Variants in PRR19 observed in about 807,000 individuals in gnomAD.
PRR19 encodes proline rich 19, also known as proline-rich protein 19.
A neutral mutation model predicts 19.2 loss-of-function variants in PRR19; 9 were observed. The observed-to-expected ratio is 0.47, with a 90% CI of 0.28 to 0.82. PRR19 has a LOEUF of 0.82. Ranked by LOEUF, PRR19 falls within the 40% of genes least tolerant of loss-of-function variation. The pLI is 0.11. For missense variants in PRR19, 457 were observed against 466.0 expected (o/e 0.98, Z 0.18); for synonymous variants, 190 against 191.0 (o/e 0.99, Z 0.04).
chr19:42,307,299 C>G (rs1299459368), intron 1 of PRR19, among the ~76,000 whole-genome samples: 3 of 152,134 alleles, frequency 2.0e-5, no homozygotes, highest in African/African-American at 4.8e-5. Context: ...TTCTCTTTCT[C>G]TACTATCTCT....
At chr19:42,306,425 G>A (rs374128289) in intron 1 of PRR19, among the ~76,000 whole-genome samples, 21 of 151,986 alleles carry the variant, frequency 1.4e-4, no homozygotes, top group East Asian at 9.7e-4. Flanking sequence ...CGCCCACCTC[G>A]GCCTCCCAAA....
chr19:42,305,141 G>A (rs949017691), intron 1 of PRR19, among the ~76,000 whole-genome samples: 10 of 151,560 alleles, frequency 6.6e-5, no homozygotes, highest in African/African-American at 2.4e-4. Flanking sequence ...CCCGGGAGGT[G>A]GAGGTTGCAG....
In PRR19 at chr19:42,310,575, G is replaced by T; in HGVS notation, c.906G>T (p.Gly302=). 6.2e-7 allele frequency: 1 copy of T among 1,613,942 alleles called. No homozygotes were observed. Among genetic ancestry groups the T allele is most frequent in the African/African-American group, 1.3e-5 (1 of 75,046 alleles). ...VATPPPPRPW[G]VGLPQPLPQP... Reference sequence around the variant, plus strand: ...CGCCACCCCCTCCTCGGCCCTGGGGGGTTGGCCTCCCTCAGCCCCTGCCTC... The same window carrying T: ...CGCCACCCCCTCCTCGGCCCTGGGGTGTTGGCCTCCCTCAGCCCCTGCCTC... Residue 302 remains glycine, a synonymous_variant, in exon 3 of 3, where the codon GGG becomes GGT. Coordinates refer to ENST00000341747, the MANE Select transcript of PRR19 (RefSeq NM_199285.3).
chr19:42,309,725 G>T lies in PRR19; in HGVS notation c.141G>T (p.Val47=), dbSNP rs759360536. 8 of 1,607,668 alleles carry T rather than the reference G, an allele frequency of 5.0e-6. No homozygotes were observed. In the Admixed American group the frequency reaches 1.3e-4, roughly 27 times the overall value. ...RRPLAHHDPP[V]AIRDPPVVPT... ...CATTAGCCCACCACGATCCTCCTGT[G>T]GCCATTCGGGATCCACCTGTGGTCC... Residue 47 remains valine (V), a synonymous_variant, in exon 2 of 3, where the codon GTG becomes GTT. Coordinates refer to ENST00000341747, the MANE Select transcript of PRR19 (RefSeq NM_199285.3).
At chr19:42,303,509 G>T (rs756030200) in intron 1 of PRR19, 7 of 152,166 alleles carry the variant, frequency 4.6e-5, no homozygotes, top group South Asian at 2.1e-4. Flanking sequence ...GGGACCAGGT[G>T]GGGGGCTCAC....
chr19:42,302,586 T>G, intron 1 of PRR19, 83 bp downstream of exon 1: 2 of 400,632 alleles, frequency 5.0e-6, no homozygotes, highest in Non-Finnish European at 9.1e-6. Flanking sequence ...GGCCGCTGAC[T>G]CCCAGGCCGC....
In PRR19 at chr19:42,310,344, G is replaced by A. The variant is rs2038776909; in HGVS notation, c.675G>A (p.Gln225=). The change falls in exon 3 of 3, where the codon CAG becomes CAA. Residue 225 remains glutamine, a synonymous_variant. Coordinates refer to ENST00000341747, the MANE Select transcript of PRR19 (RefSeq NM_199285.3). Reference sequence around the variant, plus strand: ...ATAGCCCTGATCAAGTCCCAGAGCAGGAGAGGCAAAGGAAGCAACAAGGGA... The same window carrying A: ...ATAGCCCTGATCAAGTCCCAGAGCAAGAGAGGCAAAGGAAGCAACAAGGGA... ...WINSPDQVPE[Q]ERQRKQQGTK... The A allele has an allele frequency of 6.2e-7, 1 of 1,614,132 alleles. No individual in the cohort carries two copies. Among genetic ancestry groups the A allele is most frequent in the Non-Finnish European group, 8.5e-7 (1 of 1,179,998 alleles).
chr19:42,310,277 A>G lies in PRR19; in HGVS notation c.608A>G (p.Lys203Arg). ...RGCQPPLPGA[K>R]PGVSERKMTP... The stretch of plus-strand genomic sequence containing the variant: ...CTTCTTTCCTCTGTGCCAGGGGCCA[A>G]GCCTGGGGTCTCTGAGAGAAAGATG... Residue 203 changes from lysine to arginine, a missense_variant, in exon 3 of 3, where the codon AAG (lysine) becomes AGG (arginine). Coordinates refer to ENST00000341747, the MANE Select transcript of PRR19 (RefSeq NM_199285.3). 1 of 1,614,124 alleles carries G rather than the reference A, an allele frequency of 6.2e-7. No homozygotes were observed. The highest frequency in any genetic ancestry group is 1.3e-5 in the African/African-American group (1 of 75,036).
chr19:42,306,049 T>C (rs2038703297), intron 1 of PRR19, among the ~76,000 whole-genome samples: 1 of 152,140 alleles, frequency 6.6e-6, no homozygotes, highest in African/African-American at 2.4e-5. Context: ...ATTTTTGTTC[T>C]TTTACAGGGT....
chr19:42,310,240 C>A lies in PRR19; in HGVS notation c.602-31C>A, dbSNP rs1476513158. 11 of 1,613,704 alleles carry A rather than the reference C, an allele frequency of 6.8e-6. No individual in the cohort carries two copies. In the Admixed American group the frequency reaches 1.8e-4, roughly 27 times the overall value. ...CTTTCCTTTGTCGGCTCTAGCTCAG[C>A]TAGCCTCTATGCTTCTTTCCTCTGT... On this transcript the variant is annotated intron_variant, in intron 2 of 2. Transcript: ENST00000341747.
In PRR19 at chr19:42,302,291, G is replaced by T; in HGVS notation, c.-219G>T. On this transcript the variant is annotated 5_prime_UTR_variant, in exon 1 of 3. Transcript: ENST00000341747. ...TGCACCGGCGTGGGCTTGCTGGCTG[G>T]GTTCTCCTCTCCACTCATCTTGGCG... 6.2e-7 allele frequency: 1 copy of T among 1,606,124 alleles called. No individual in the cohort carries two copies.
rs916776081 is a variant in PRR19, at chr19:42,302,373, C to G, written c.-137C>G. 27 of 1,440,090 alleles carry G rather than the reference C, an allele frequency of 1.9e-5. No homozygotes were observed. Among genetic ancestry groups the G allele is most frequent in the Middle Eastern group, 1.9e-4 (1 of 5,364 alleles). 89.2% of individuals were successfully genotyped at this position (1,440,090 alleles called of 1,614,324 possible). A position where few individuals can be genotyped will look rare whatever the true frequency, so the allele number is the denominator to read the frequency against. Reference sequence around the variant, plus strand: ...CGGCCCGGGAGTGTTCCGAACGGAGCTGGCTCCGCCACGCCCACTCCTACC... The same window carrying G: ...CGGCCCGGGAGTGTTCCGAACGGAGGTGGCTCCGCCACGCCCACTCCTACC... On this transcript the variant is annotated 5_prime_UTR_variant, in exon 1 of 3. Coordinates refer to ENST00000341747, the MANE Select transcript of PRR19 (RefSeq NM_199285.3).
chr19:42,310,656 C>T lies in PRR19; in HGVS notation c.987C>T (p.Pro329=), dbSNP rs182146218. The change falls in exon 3 of 3, where the codon CCC becomes CCT. Residue 329 remains proline (P), a synonymous_variant. Coordinates refer to ENST00000341747, the MANE Select transcript of PRR19 (RefSeq NM_199285.3). ...RTSVLDWSPS[P]PSPLPSLSWV... ...CTGTCCTGGACTGGAGCCCCAGCCC[C>T]CCTTCCCCACTGCCCAGCCTCTCCT... 6 of 1,611,572 alleles carry T rather than the reference C, an allele frequency of 3.7e-6. No homozygotes were observed. In the African/African-American group the frequency reaches 8.0e-5, roughly 22 times the overall value.
intron 1 of PRR19, among the ~76,000 whole-genome samples, chr19:42,306,367 G>T (rs1000307575): frequency 1.3e-5 from 2 of 151,928 alleles, no homozygotes; most frequent in Non-Finnish European, 2.9e-5. Flanking sequence ...TAGAGACGGG[G>T]TTTCACCGTG....
Position 42,310,015 on chromosome 19 carries a change from TG to T in PRR19, c.435del (p.Gln146SerfsTer10). On this transcript the variant is annotated frameshift_variant, in exon 2 of 3. Coordinates refer to ENST00000341747, the MANE Select transcript of PRR19 (RefSeq NM_199285.3). LOFTEE classifies it high-confidence loss of function. ...GPPSSPELSG[V>X]GQLLAELQCQ... ...CCCAGTTCCCCAGAGTTGTCTGGCG[TG>T]GGGCAGCTGCTGGCAGAGCTGCAGT... 1 of 1,613,996 alleles carries T rather than the reference TG, an allele frequency of 6.2e-7. No individual in the cohort carries two copies. The highest frequency in any genetic ancestry group is 1.1e-5 in the South Asian group (1 of 91,078).
At chr19:42,303,436 T>A (rs1194648247) in intron 1 of PRR19, 1 of 152,006 alleles carries the variant, frequency 6.6e-6, no homozygotes, top group Admixed American at 6.6e-5. Flanking sequence ...GTCGCGCCTC[T>A]CCCCCAACGC....
intron 1 of PRR19, 172 bp downstream of exon 1, chr19:42,302,675 C>G (rs1448220893): frequency 1.8e-5 from 5 of 281,596 alleles, no homozygotes; most frequent in Non-Finnish European, 3.4e-5. Flanking sequence ...AACCACCCAC[C>G]GGTCACGGGG....
chr19:42,303,127 T>C (rs1469384091), intron 1 of PRR19, among the ~76,000 whole-genome samples: 1 of 150,860 alleles, frequency 6.6e-6, no homozygotes, highest in Non-Finnish European at 1.5e-5. Flanking sequence ...AGTACATATC[T>C]TTGCATTCAA....
chr19:42,307,528 C>G (rs988074885), intron 1 of PRR19, among the ~76,000 whole-genome samples: 6 of 145,974 alleles, frequency 4.1e-5, no homozygotes, highest in Non-Finnish European at 4.5e-5. Context: ...CTCCGCCTCC[C>G]GATTTCAAGC....
Sources: gnomAD v4.1 joint callset for allele counts (sites outside exome capture counted in the v4.1 genomes callset) on GRCh38, gnomAD v4.1.1 for gene constraint, MANE v1.5 for transcripts, NCBI Gene and HGNC (gene_info 2026-07-23, HGNC 2026-07-21) for gene names.